Variants in URGCP observed in about 807,000 individuals in gnomAD.
The protein encoded by URGCP is upregulator of cell proliferation.
URGCP carries 13 observed loss-of-function variants against 24.6 expected under a neutral mutation model. That is an observed-to-expected ratio of 0.53 (90% CI 0.34 to 0.84). The LOEUF is 0.84. Among genes scored for constraint, URGCP ranks in the 40% least tolerant of loss-of-function variants. URGCP has a pLI of 0.01. For synonymous variants in URGCP, 444 were observed against 487.2 expected, an observed-to-expected ratio of 0.91 and a Z score of 1.17; for missense variants, 899 against 1,194.3, an observed-to-expected ratio of 0.75 and a Z score of 3.64.
At chr7:43,926,432 G>C, upstream of URGCP, 1 of 1,105,150 alleles carries the variant, frequency 9.0e-7, no homozygotes, top group Non-Finnish European at 1.2e-6. Flanking sequence ...CGCAAGCGCA[G>C]GCTGCGGCTC....
At position 43,878,409 on chromosome 7, in the gene URGCP, T is replaced by C. The variant is rs760218168; in HGVS notation, c.1054A>G (p.Thr352Ala). The change falls in exon 6 of 6, where the codon ACA (threonine) becomes GCA (alanine). Residue 352 changes from threonine to alanine, a missense_variant. Coordinates refer to ENST00000453200, the MANE Select transcript of URGCP (RefSeq NM_001077663.3). This position sits in a 1 kb window ranked among gnomAD's most constrained non-coding sequence, Gnocchi z 5.6. ...GSHWLQFKLL[T>A]EISSAVFILT... ...ATAAACACAGCGGAGGAGATTTCTG[T>C]CAAGAGCTTAAACTGCAGCCAGTGA... 5 of 1,614,210 alleles carry C rather than the reference T, an allele frequency of 3.1e-6. No homozygotes were observed. The highest frequency in any genetic ancestry group is 1.1e-5 in the South Asian group (1 of 91,090).
At chr7:43,903,713 A>G (rs1301432163) in intron 1 of URGCP, among the ~76,000 whole-genome samples, 1 of 152,168 alleles carries the variant, frequency 6.6e-6, no homozygotes, top group Non-Finnish European at 1.5e-5. Context: ...AAAATTACAC[A>G]CTACTCCCAA....
At position 43,877,878 on chromosome 7, in the gene URGCP, T is replaced by G; in HGVS notation, c.1585A>C (p.Arg529=). 1 of 1,613,008 alleles carries G rather than the reference T, an allele frequency of 6.2e-7. No homozygotes were observed. Among genetic ancestry groups the G allele is most frequent in the Non-Finnish European group, 8.5e-7 (1 of 1,179,414 alleles). The change falls in exon 6 of 6, where the codon AGG becomes CGG. Residue 529 remains arginine (R), a synonymous_variant. Coordinates refer to ENST00000453200, the MANE Select transcript of URGCP (RefSeq NM_001077663.3). ...ATTCGAAGTTCTAGCAGCCGCCGCC[T>G]CAGCTCAGCCCTGTGCTTCTCAGGG... ...DPPEKHRAEL[R]RRLLELRMQQ...
chr7:43,900,974 T>G (rs1245287138), intron 1 of URGCP, among the ~76,000 whole-genome samples: 2 of 152,218 alleles, frequency 1.3e-5, no homozygotes, highest in African/African-American at 4.8e-5. Context: ...TGTTTGTGCC[T>G]CAGCAACCAA....
intron 1 of URGCP, among the ~76,000 whole-genome samples, chr7:43,917,896 T>G (rs2095917120): frequency 1.3e-5 from 2 of 151,782 alleles, no homozygotes; most frequent in South Asian, 4.2e-4. Flanking sequence ...TCCAGGAGGT[T>G]GAGGCTGCAG....
At chr7:43,881,069 T>C (rs761083360) in intron 5 of URGCP, 24 of 647,484 alleles carry the variant, frequency 3.7e-5, no homozygotes, top group Admixed American at 9.9e-5. Flanking sequence ...AAGAGTCACA[T>C]TGTGCCAAAA....
At chr7:43,896,454 CAAAAAAA>C (rs34790770) in intron 1 of URGCP, among the ~76,000 whole-genome samples, 1 of 85,146 alleles carries the variant, frequency 1.2e-5, no homozygotes, top group Non-Finnish European at 2.4e-5. Context: ...GACTCTGTCT[CAAAAAAA>C]AAAAAAAAAA....
intron 1 of URGCP, among the ~76,000 whole-genome samples, chr7:43,890,366 G>C (rs957714223): frequency 7.0e-4 from 105 of 150,272 alleles, no homozygotes; most frequent in African/African-American, 2.5e-3. Flanking sequence ...AGGCGCCCAC[G>C]ACCACGCCCG....
intron 1 of URGCP, among the ~76,000 whole-genome samples, chr7:43,899,158 T>C (rs1371994554): frequency 1.4e-5 from 2 of 147,550 alleles, no homozygotes; most frequent in African/African-American, 2.5e-5. Flanking sequence ...TATATTTATA[T>C]AAAAATTTTT....
upstream of URGCP, chr7:43,926,496 C>T: frequency 4.7e-6 from 7 of 1,489,816 alleles, no homozygotes; most frequent in Non-Finnish European, 6.3e-6. Context: ...TCAGGCAGCC[C>T]CGGCCGGGCC....
At chr7:43,926,636 A>G (rs2095931415), upstream of URGCP, 1 of 1,423,416 alleles carries the variant, frequency 7.0e-7, no homozygotes, top group Non-Finnish European at 9.4e-7. Context: ...CGTGAAGTGA[A>G]AGGTGACGGA....
At chr7:43,883,814 G>A (rs2095858318) in intron 3 of URGCP, among the ~76,000 whole-genome samples, 1 of 151,988 alleles carries the variant, frequency 6.6e-6, no homozygotes, top group Non-Finnish European at 1.5e-5. Flanking sequence ...GTGAAAAGCA[G>A]GAAAGAGAAA....
intron 1 of URGCP, among the ~76,000 whole-genome samples, chr7:43,914,009 GT>G (rs1468005607): frequency 6.6e-6 from 1 of 151,092 alleles, no homozygotes; most frequent in East Asian, 2.0e-4. Context: ...TATTTTATTT[GT>G]TTTTTTATAG....
chr7:43,918,760 G>A, intron 1 of URGCP: 1 of 852,974 alleles, frequency 1.2e-6, no homozygotes, highest in East Asian at 2.4e-5. Flanking sequence ...TTCGAGTTCT[G>A]GAAACAGCTG....
chr7:43,888,297 T>G (rs2095865102), intron 1 of URGCP: 1 of 152,122 alleles, frequency 6.6e-6, no homozygotes, highest in Admixed American at 6.6e-5. Context: ...AGGTCAGGAG[T>G]TCGAGACTGG....
chr7:43,903,177 A>G (rs149826128), intron 1 of URGCP, among the ~76,000 whole-genome samples: 102 of 152,238 alleles, frequency 6.7e-4, no homozygotes, highest in African/African-American at 2.3e-3. Flanking sequence ...AAATGTAGGT[A>G]AATCAAAAAC....
chr7:43,887,340 A>C, intron 3 of URGCP, 75 bp downstream of exon 3: 1 of 1,559,280 alleles, frequency 6.4e-7, no homozygotes, highest in Non-Finnish European at 8.7e-7. Flanking sequence ...GAGGGGCTGG[A>C]ACCCAGAATC....
intron 5 of URGCP, 104 bp downstream of exon 5, chr7:43,881,555 C>T: frequency 6.7e-7 from 1 of 1,488,004 alleles, no homozygotes; most frequent in Non-Finnish European, 9.2e-7. Context: ...AACCTGAGTG[C>T]TCTGCCTCCC....
chr7:43,923,264 GA>G (rs1249712002), intron 1 of URGCP, among the ~76,000 whole-genome samples: 6 of 149,132 alleles, frequency 4.0e-5, no homozygotes, highest in African/African-American at 1.5e-4. Flanking sequence ...TTACAGGTGT[GA>G]GCCACTGTGC....
Sources: allele counts gnomAD v4.1 joint callset (sites outside exome capture counted in the v4.1 genomes callset), GRCh38; gene constraint gnomAD v4.1.1; non-coding constraint Gnocchi (gnomAD v3.1); transcripts MANE v1.5; gene names NCBI Gene and HGNC (gene_info 2026-07-23, HGNC 2026-07-21).